The following DAB2IP variants were observed in gnomAD, a reference collection of about 807,000 sequenced individuals.
The protein encoded by DAB2IP is DAB2 interacting protein, also known as disabled homolog 2-interacting protein.
Under a neutral mutation model 107.2 loss-of-function variants are expected in DAB2IP, and 28 were observed. The observed-to-expected ratio is 0.26, with a 90% CI of 0.19 to 0.36. DAB2IP has a LOEUF of 0.36. DAB2IP is among the 10% of genes least tolerant of loss of function. The pLI is 1.00. For synonymous variants in DAB2IP, 755 were observed against 706.4 expected, an observed-to-expected ratio of 1.07 and a Z score of -1.09; for missense variants, 1,400 against 1,644.7, an observed-to-expected ratio of 0.85 and a Z score of 2.57.
intron 3 of DAB2IP, among the ~76,000 whole-genome samples, chr9:121,753,681 T>A (rs1778262950): frequency 6.6e-6 from 1 of 152,088 alleles, no homozygotes; most frequent in Non-Finnish European, 1.5e-5. Flanking sequence ...CTGTGTGCTG[T>A]TGAAATATGA....
In DAB2IP at chr9:121,777,320, C is replaced by G. The variant is rs565904151; in HGVS notation, c.3314+929C>G. ...CTTCCCAGATTCCTCCTATTTAGAC[C>G]ACCTGTTTCTCTGTTCCTGACTGTT... is the stretch of plus-strand genomic sequence containing the variant. On this transcript the variant is annotated intron_variant, in intron 14 of 15. Coordinates refer to ENST00000408936, the Ensembl canonical transcript of DAB2IP. Among the ~76,000 whole-genome samples the G allele has an allele frequency of 2.0e-5, 3 of 152,298 alleles. No individual in the cohort carries two copies. In the East Asian group the frequency reaches 5.8e-4, roughly 29 times the overall value.
At chr9:121,752,114 G>T (rs1833159734) in intron 3 of DAB2IP, 1 of 820,070 alleles carries the variant, frequency 1.2e-6, no homozygotes, top group Middle Eastern at 6.3e-4. Context: ...ACCTTGAGAG[G>T]GATGGGGGAA....
At chr9:121,710,975 T>TG (rs1384426341) in intron 3 of DAB2IP, among the ~76,000 whole-genome samples, 1 of 152,224 alleles carries the variant, frequency 6.6e-6, no homozygotes, top group African/African-American at 2.4e-5. Flanking sequence ...GAGGTGGTCT[T>TG]GCTCAGTTGC....
At chr9:121,747,642 C>T (rs118037246) in intron 3 of DAB2IP, among the ~76,000 whole-genome samples, 6,357 of 152,132 alleles carry the variant, frequency 0.042, 177 homozygotes, top group Non-Finnish European at 0.061. Flanking sequence ...CCACCGCGCC[C>T]GGCCTAGATG....
At chr9:121,619,695 G>T (rs1320419696) in intron 1 of DAB2IP, among the ~76,000 whole-genome samples, 2 of 152,240 alleles carry the variant, frequency 1.3e-5, no homozygotes, top group Non-Finnish European at 2.9e-5. Context: ...GGTGGAGTAT[G>T]TTGTGATCCC....
At chr9:121,755,745 G>A (rs907398708) in intron 3 of DAB2IP, among the ~76,000 whole-genome samples, 4 of 152,144 alleles carry the variant, frequency 2.6e-5, no homozygotes, top group African/African-American at 9.7e-5. Context: ...CCATGGAGTG[G>A]GCCTCAGCCC....
intron 1 of DAB2IP, among the ~76,000 whole-genome samples, chr9:121,608,101 GA>G (rs1589401074): frequency 1.3e-5 from 2 of 152,346 alleles, no homozygotes; most frequent in East Asian, 3.9e-4. Context: ...TTTCAGCCAG[GA>G]TGTGGGGAGT....
intron 1 of DAB2IP, among the ~76,000 whole-genome samples, chr9:121,573,463 C>A (rs1829996346): frequency 6.6e-6 from 1 of 152,038 alleles, no homozygotes; most frequent in Non-Finnish European, 1.5e-5. Context: ...TGGCTCACTG[C>A]AACCTCCACC....
chr9:121,779,025 G>A (rs1242731304), intron 14 of DAB2IP, among the ~76,000 whole-genome samples: 1 of 152,022 alleles, frequency 6.6e-6, no homozygotes, highest in Non-Finnish European at 1.5e-5. Flanking sequence ...CGTGCATTAG[G>A]CTGACTCATT....
rs59290421 is a variant in DAB2IP at position 121,666,867 on chromosome 9, AACACACACACACAC to A, written c.125-11775_125-11762del. Among the ~76,000 whole-genome samples the A allele has an allele frequency of 3.0e-3, 390 of 128,668 alleles. 2 individuals are homozygous for A. The highest frequency in any genetic ancestry group is 7.4e-3 in the Middle Eastern group (2 of 270). The allele number at this position is 128,668 out of a possible 152,430, so 84.4% of individuals were successfully genotyped here. A position where few individuals can be genotyped will look rare whatever the true frequency, so the allele number is the denominator to read the frequency against. On this transcript the variant is annotated intron_variant, in intron 1 of 15. Coordinates refer to ENST00000408936, the Ensembl canonical transcript of DAB2IP. ...GGCTTCATCCCCTATCCCCAGCCCC[AACACACACACACAC>A]ACACACACACACACACACACACACA...
intron 2 of DAB2IP, among the ~76,000 whole-genome samples, chr9:121,685,583 C>G (rs1055737202): frequency 6.6e-6 from 1 of 152,240 alleles, no homozygotes; most frequent in Non-Finnish European, 1.5e-5. Flanking sequence ...GTGGTAGGGG[C>G]AGGAGCCCAG....
At chr9:121,571,407 T>A (rs1361664014) in intron 1 of DAB2IP, among the ~76,000 whole-genome samples, 1 of 152,062 alleles carries the variant, frequency 6.6e-6, no homozygotes, top group African/African-American at 2.4e-5. Flanking sequence ...GGAAAGGCAT[T>A]CCAGGGCAGA....
At chr9:121,725,081 G>A (rs1251727283) in intron 3 of DAB2IP, among the ~76,000 whole-genome samples, 1 of 152,208 alleles carries the variant, frequency 6.6e-6, no homozygotes, top group Non-Finnish European at 1.5e-5. Flanking sequence ...TTTGGTTCCT[G>A]GCACGATTTC....
chr9:121,739,101 A>C (rs949085979), intron 3 of DAB2IP, among the ~76,000 whole-genome samples: 4 of 152,254 alleles, frequency 2.6e-5, no homozygotes, highest in African/African-American at 7.2e-5. Flanking sequence ...GATGCTATGA[A>C]GGAAACAAGC....
At position 121,672,766 on chromosome 9, in the gene DAB2IP, G is replaced by A. The variant is rs1175183758; in HGVS notation, c.125-5912G>A. Reference sequence around the variant, plus strand: ...GGCGCACTCTTAAGAGATCGGCTGGGTCTCCCTTCCCGTGATCTAACCCTA... The same window carrying A: ...GGCGCACTCTTAAGAGATCGGCTGGATCTCCCTTCCCGTGATCTAACCCTA... On this transcript the variant is annotated intron_variant, in intron 1 of 15. Transcript: ENST00000408936. Among the ~76,000 whole-genome samples, 5 of 152,152 alleles carry A rather than the reference G, an allele frequency of 3.3e-5. No individual in the cohort carries two copies. The South Asian group carries it at 1.0e-3, about 32-fold the overall frequency.
At chr9:121,679,319 C>G (rs1368739600) in intron 2 of DAB2IP, among the ~76,000 whole-genome samples, 1 of 151,860 alleles carries the variant, frequency 6.6e-6, no homozygotes, top group Non-Finnish European at 1.5e-5. Flanking sequence ...AGCACACAGA[C>G]TTTTTAAAAA....
intron 1 of DAB2IP, among the ~76,000 whole-genome samples, chr9:121,632,932 T>C (rs1352781072): frequency 6.6e-6 from 1 of 152,178 alleles, no homozygotes; most frequent in African/African-American, 2.4e-5. Context: ...GGGCTGATAC[T>C]TGGGGTCCTG....
intron 1 of DAB2IP, among the ~76,000 whole-genome samples, chr9:121,581,395 TCTGA>T (rs1830192006): frequency 6.6e-6 from 1 of 152,224 alleles, no homozygotes; most frequent in African/African-American, 2.4e-5. Flanking sequence ...GGAGGGCAGC[TCTGA>T]CTATCTTCCT....
chr9:121,651,565 C>G, upstream of DAB2IP: 1 of 802,990 alleles, frequency 1.2e-6, no homozygotes, highest in Non-Finnish European at 1.5e-6. This position sits in a 1 kb window ranked among gnomAD's most constrained non-coding sequence, Gnocchi z 5.1. Context: ...CTCCGGGTCC[C>G]CAGCCCCCGC....
Sources: allele counts gnomAD v4.1 joint callset (sites outside exome capture counted in the v4.1 genomes callset), GRCh38; gene constraint gnomAD v4.1.1; non-coding constraint Gnocchi (gnomAD v3.1); transcripts MANE v1.5; gene names NCBI Gene and HGNC (gene_info 2026-07-23, HGNC 2026-07-21).